The following ASPSCR1 variants were observed in gnomAD, a reference collection of about 807,000 sequenced individuals.
ASPSCR1 encodes tether containing UBX domain for GLUT4.
ASPSCR1 carries 55 observed loss-of-function variants against 68.9 expected under a neutral mutation model. The ratio of observed to expected loss-of-function variants is 0.80; its 90% CI spans 0.64 to 1.00. ASPSCR1 has a LOEUF of 1.00. ASPSCR1 is among the 50% of genes least tolerant of loss of function. The probability of loss-of-function intolerance (pLI) is 0.00; values close to 1 mark genes in which losing one functional copy is unlikely to be tolerated. For missense variants in ASPSCR1, 765 were observed against 762.2 expected (o/e 1.00, Z -0.04); for synonymous variants, 352 against 332.6 (o/e 1.06, Z -0.63).
chr17:82,001,330 C>A lies in ASPSCR1; in HGVS notation c.933+4484C>A, dbSNP rs998682871. 3.3e-5 allele frequency among the ~76,000 whole-genome samples: 5 copies of A among 152,296 alleles called. No homozygotes were observed. In the South Asian group the frequency reaches 1.0e-3, roughly 32 times the overall value. On this transcript the variant is annotated intron_variant, in intron 7 of 15. Coordinates refer to ENST00000306739, the MANE Select transcript of ASPSCR1 (RefSeq NM_024083.4). ...TAGACAGGAGCCCCCACATCCGACGCGGTGCAGACTCCCATCCCTGCGGCC... is the reference window on the plus strand; with the variant it reads ...TAGACAGGAGCCCCCACATCCGACGAGGTGCAGACTCCCATCCCTGCGGCC...
chr17:81,983,738 CG>C lies in ASPSCR1; in HGVS notation c.273+73del. ...CGTTCAGCTGGCCAGGGACGGGGGA[CG>C]GGACAGTGGGGGGTGCTGGGGAAGG... is the stretch of plus-strand genomic sequence containing the variant. On this transcript the variant is annotated intron_variant, in intron 3 of 15. Transcript: ENST00000306739. This position sits in a 1 kb window ranked among gnomAD's most constrained non-coding sequence, Gnocchi z 4.4. The C allele has an allele frequency of 3.1e-6, 4 of 1,309,292 alleles. No individual in the cohort carries two copies. Among genetic ancestry groups the C allele is most frequent in the Non-Finnish European group, 3.2e-6 (3 of 935,356 alleles). The allele number at this position is 1,309,292 out of a possible 1,614,324, so 81.1% of individuals were successfully genotyped here.
At chr17:81,994,172 T>C (rs1205735068) in intron 4 of ASPSCR1, among the ~76,000 whole-genome samples, 2 of 152,214 alleles carry the variant, frequency 1.3e-5, no homozygotes, top group East Asian at 3.8e-4. Flanking sequence ...GTGCTGCATA[T>C]ACCTGCCCAC....
chr17:81,997,372 G>A (rs2042386064), intron 7 of ASPSCR1, among the ~76,000 whole-genome samples: 2 of 152,136 alleles, frequency 1.3e-5, no homozygotes, highest in South Asian at 4.1e-4. Context: ...AGGGGGAGCT[G>A]GTGAACGCAT....
At position 82,017,391 on chromosome 17, in the gene ASPSCR1, C is replaced by T. The variant is rs1169543869; in HGVS notation, c.*69C>T. 17 of 1,605,966 alleles carry T rather than the reference C, an allele frequency of 1.1e-5. No homozygotes were observed. Among genetic ancestry groups the T allele is most frequent in the Non-Finnish European group, 1.4e-5 (17 of 1,175,388 alleles). ...CCTCCTCTGCCAGCAGGAATAAAGA[C>T]TTGTGCATCCCTCAACGCCTTCCTG... On this transcript the variant is annotated 3_prime_UTR_variant, in exon 16 of 16. Coordinates refer to ENST00000306739, the MANE Select transcript of ASPSCR1 (RefSeq NM_024083.4).
intron 7 of ASPSCR1, among the ~76,000 whole-genome samples, chr17:82,001,276 GC>G (rs1218970892): frequency 5.9e-5 from 9 of 152,138 alleles, no homozygotes; most frequent in Admixed American, 2.0e-4. Context: ...TGGGCCAGGG[GC>G]TCCTGCCCCT....
intron 7 of ASPSCR1, chr17:82,007,650 C>G (rs1185080896): frequency 1.3e-5 from 2 of 152,274 alleles, no homozygotes; most frequent in Non-Finnish European, 2.9e-5. Flanking sequence ...AGTGTGGCTT[C>G]TGGGGGCTCC....
chr17:82,002,383 G>A (rs771650282), intron 7 of ASPSCR1, among the ~76,000 whole-genome samples: 4 of 150,828 alleles, frequency 2.7e-5, no homozygotes, highest in Non-Finnish European at 4.4e-5. Flanking sequence ...TCAGCCTCCC[G>A]AGTAGCTGGG....
intron 7 of ASPSCR1, among the ~76,000 whole-genome samples, chr17:82,000,919 CTCCCGGCAGCTG>C (rs77437037): frequency 2.2e-3 from 338 of 152,262 alleles, no homozygotes; most frequent in Non-Finnish European, 3.7e-3. Flanking sequence ...ACAACTCGGC[CTCCCGGCAGCTG>C]GCACGAGGGC....
intron 12 of ASPSCR1, 120 bp from the exon 13 acceptor site, chr17:82,016,356 C>T (rs989672594): frequency 2.6e-5 from 23 of 896,586 alleles, no homozygotes; most frequent in Admixed American, 5.3e-5. Context: ...TCATGGGGGC[C>T]GGGCAGGCAG....
chr17:81,981,913 G>A (rs1187385122), intron 2 of ASPSCR1, among the ~76,000 whole-genome samples: 3 of 152,176 alleles, frequency 2.0e-5, no homozygotes, highest in Non-Finnish European at 2.9e-5. Flanking sequence ...TGATCCGCCC[G>A]TCTTGGCCTC....
At chr17:81,997,083 T>TGCTCCGGGATGAGGCCGTGTCC (rs1241311264) in intron 7 of ASPSCR1, among the ~76,000 whole-genome samples, 3 of 70,380 alleles carry the variant, frequency 4.3e-5, no homozygotes, top group African/African-American at 9.0e-5. Context: ...TGGCTGTGTC[T>TGCTCCGGGATGAGGCCGTGTCC]GCTCCGGGAT....
In ASPSCR1 at chr17:81,999,886, C is replaced by T. The variant is rs1243923804; in HGVS notation, c.933+3040C>T. Among the ~76,000 whole-genome samples, 1 of 152,212 alleles carries T rather than the reference C, an allele frequency of 6.6e-6. No individual in the cohort carries two copies. The highest frequency in any genetic ancestry group is 1.5e-5 in the Non-Finnish European group (1 of 68,026). ...TGGGGGCTCCCATCTAGCCCGGCGT[C>T]AGGGTCCAGCCCCTCTGTTTTCTGT... On this transcript the variant is annotated intron_variant, in intron 7 of 15. Coordinates refer to ENST00000306739, the MANE Select transcript of ASPSCR1 (RefSeq NM_024083.4). This position sits in a 1 kb window ranked among gnomAD's most constrained non-coding sequence, Gnocchi z 4.4.
At chr17:82,009,720 T>C (rs1420740018) in intron 9 of ASPSCR1, among the ~76,000 whole-genome samples, 153 bp downstream of exon 9, 1 of 146,668 alleles carries the variant, frequency 6.8e-6, no homozygotes, top group East Asian at 2.0e-4. Context: ...GGCACAGCTC[T>C]GAGCGGGCCC....
At chr17:81,997,164 C>CCGTGTCCGCTCCGGGATGA (rs2042378836) in intron 7 of ASPSCR1, among the ~76,000 whole-genome samples, 6 of 152,070 alleles carry the variant, frequency 3.9e-5, no homozygotes, top group African/African-American at 1.2e-4. Flanking sequence ...CATGACAAGG[C>CCGTGTCCGCTCCGGGATGA]GGCAACTGTG....
At chr17:82,010,976 C>T (rs1315107243) in intron 10 of ASPSCR1, 108 bp downstream of exon 10, 7 of 1,343,464 alleles carry the variant, frequency 5.2e-6, no homozygotes, top group South Asian at 2.5e-5. Flanking sequence ...CCTGCGGGCT[C>T]CAGGGCACTG....
rs1011780228 is a variant in ASPSCR1, at chr17:81,999,687, G to C, written c.933+2841G>C. The stretch of plus-strand genomic sequence containing the variant: ...AGGAGGGCTCTGTGCACATGGCCCC[G>C]GCCTCGGCTGTCCCCTGGGCACTCG... On this transcript the variant is annotated intron_variant, in intron 7 of 15. Coordinates refer to ENST00000306739, the MANE Select transcript of ASPSCR1 (RefSeq NM_024083.4). The surrounding 1 kb of genome is among the most constrained non-coding windows in gnomAD (Gnocchi z 4.4). Among the ~76,000 whole-genome samples, 1 of 151,592 alleles carries C rather than the reference G, an allele frequency of 6.6e-6. No homozygotes were observed. The highest frequency in any genetic ancestry group is 1.5e-5 in the Non-Finnish European group (1 of 67,940).
At chr17:82,004,304 C>T (rs1421335714) in intron 7 of ASPSCR1, 1 of 152,354 alleles carries the variant, frequency 6.6e-6, no homozygotes, top group East Asian at 1.9e-4. Context: ...TGTCCTTAGT[C>T]CTGCCCGTCC....
rs2042010130 is a variant in ASPSCR1, at chr17:81,986,909, C to T, written c.374+1302C>T. ...TCTCAGTGGTCATGGGGATGGAAGC[C>T]ACCCCAGTGGCTGTCGGGGTGAATG... On this transcript the variant is annotated intron_variant, in intron 4 of 15. Transcript: ENST00000306739. The surrounding 1 kb of genome is among the most constrained non-coding windows in gnomAD (Gnocchi z 5.2). Among the ~76,000 whole-genome samples the T allele has an allele frequency of 6.6e-6, 1 of 152,138 alleles. No homozygotes were observed. The highest frequency in any genetic ancestry group is 1.5e-5 in the Non-Finnish European group (1 of 68,032).
Position 81,996,452 on chromosome 17 carries a change from A to C in ASPSCR1, c.539A>C (p.Lys180Thr). The C allele has an allele frequency of 3.7e-6, 6 of 1,604,000 alleles. No homozygotes were observed. The highest frequency in any genetic ancestry group is 5.1e-6 in the Non-Finnish European group (6 of 1,173,820). ...FVMKCYDPVG[K>T]TPGSLGSSAS... is the part of the protein sequence containing the mutation. Reference sequence around the variant, plus strand: ...ATGAAGTGCTACGACCCCGTGGGCAAGACCCCAGGAAGCCTGGGCTCGTCA... The same window carrying C: ...ATGAAGTGCTACGACCCCGTGGGCACGACCCCAGGAAGCCTGGGCTCGTCA... The change falls in exon 7 of 16, where the codon AAG (lysine) becomes ACG (threonine). Residue 180 changes from lysine to threonine, a missense_variant. By Grantham distance (78) the Lys-to-Thr change is moderately conservative (BLOSUM62 -1). Coordinates refer to ENST00000306739, the MANE Select transcript of ASPSCR1 (RefSeq NM_024083.4).
Sources: gnomAD v4.1 joint callset for allele counts (sites outside exome capture counted in the v4.1 genomes callset) on GRCh38, gnomAD v4.1.1 for gene constraint, Gnocchi (gnomAD v3.1) non-coding constraint, MANE v1.5 for transcripts, NCBI Gene and HGNC (gene_info 2026-07-23, HGNC 2026-07-21) for gene names.